The following CACNA2D1 variants were observed in gnomAD, a reference collection of about 807,000 sequenced individuals.
The protein encoded by CACNA2D1 is voltage-dependent calcium channel subunit alpha-2/delta-1.
A neutral mutation model predicts 171.5 loss-of-function variants in CACNA2D1; 53 were observed. The ratio of observed to expected loss-of-function variants is 0.31; its 90% confidence interval spans 0.25 to 0.39. CACNA2D1 has a LOEUF of 0.39. Among genes scored for constraint, CACNA2D1 ranks in the 10% least tolerant of loss-of-function variants. CACNA2D1 has a pLI of 1.00. For synonymous variants in CACNA2D1, 442 were observed against 443.1 expected (o/e 1.00, Z 0.03); for missense variants, 903 against 1,299.8 (o/e 0.69, Z 4.69).
At chr7:82,182,134 T>C (rs1190924175) in intron 3 of CACNA2D1, among the ~76,000 whole-genome samples, 1 of 152,170 alleles carries the variant, frequency 6.6e-6, no homozygotes, top group Non-Finnish European at 1.5e-5. Context: ...TGCTTGTCCT[T>C]GTGAGCCCAT....
At chr7:82,024,040 C>G (rs1801583462) in intron 12 of CACNA2D1, 6 of 151,664 alleles carry the variant, frequency 4.0e-5, no homozygotes, top group Admixed American at 4.0e-4. Flanking sequence ...ACCACATTTT[C>G]TTTATCTATT....
intron 5 of CACNA2D1, among the ~76,000 whole-genome samples, chr7:82,127,592 A>C (rs1273502778): frequency 1.3e-5 from 2 of 152,204 alleles, no homozygotes; most frequent in African/African-American, 4.8e-5. Context: ...GTATTATACC[A>C]TTAAAGCCAA....
chr7:82,437,394 T>TA (rs1436988195), intron 1 of CACNA2D1, among the ~76,000 whole-genome samples: 1 of 152,126 alleles, frequency 6.6e-6, no homozygotes, highest in African/African-American at 2.4e-5. Flanking sequence ...CTGAAGCATT[T>TA]AAAATGGCCA....
In CACNA2D1 at chr7:82,249,209, G is replaced by A. The variant is rs193142634; in HGVS notation, c.295-78600C>T. Among the ~76,000 whole-genome samples the A allele has an allele frequency of 2.0e-5, 3 of 152,038 alleles. No homozygotes were observed. In the East Asian group the frequency reaches 5.8e-4, roughly 29 times the overall value. ...AGGAGGAGCACCATACTCAGTAGAT[G>A]TAACCGGGGTAAAAGACACTAGGAA... On this transcript the variant is annotated intron_variant, in intron 3 of 38. Coordinates refer to ENST00000356860, the MANE Select transcript of CACNA2D1 (RefSeq NM_000722.4).
Position 82,032,831 on chromosome 7 carries a change from T to C in CACNA2D1, c.1109A>G (p.Gln370Arg). The C allele has an allele frequency of 6.3e-7, 1 of 1,587,790 alleles. No homozygotes were observed. Among genetic ancestry groups the C allele is most frequent in the Non-Finnish European group, 8.6e-7 (1 of 1,157,448 alleles). Residue 370 changes from glutamine to arginine, a missense_variant, in exon 12 of 39, where the codon CAG becomes CGG. Coordinates refer to ENST00000356860, the MANE Select transcript of CACNA2D1 (RefSeq NM_000722.4). ...TTTATTGTATTTGTTAAATATCTCC[T>C]GGGCTCTCTCTTCTCCTCCATCCGT... ...LFTDGGEERA[Q>R]EIFNKYNKDK...
chr7:82,285,713 C>A (rs953097993), intron 3 of CACNA2D1, among the ~76,000 whole-genome samples: 2 of 152,120 alleles, frequency 1.3e-5, no homozygotes, highest in South Asian at 2.1e-4. Context: ...TCCTGGTAAA[C>A]TGGAACATAT....
At chr7:81,995,101 T>C (rs1335928518) in intron 19 of CACNA2D1, among the ~76,000 whole-genome samples, 162 bp from the exon 20 acceptor site, 1 of 152,166 alleles carries the variant, frequency 6.6e-6, no homozygotes, top group Non-Finnish European at 1.5e-5. Context: ...TCTCAGGGAA[T>C]TTTTTTAAGT....
In CACNA2D1 at chr7:82,005,483, C is replaced by T. The variant is rs757607965; in HGVS notation, c.1530G>A (p.Gly510=). The T allele has an allele frequency of 4.7e-5, 74 of 1,590,280 alleles. No homozygotes were observed. The Admixed American group carries it at 1.2e-3, about 27-fold the overall frequency. ...LTPRFTLCPN[G]YYFAIDPNGY... ...CATTAGGATCGATTGCAAAGTAATACCCATTGGGGCACAGCTGGAAAAGAA... is the reference window on the plus strand; with the variant it reads ...CATTAGGATCGATTGCAAAGTAATATCCATTGGGGCACAGCTGGAAAAGAA... Residue 510 remains glycine, a synonymous_variant, in exon 18 of 39, where the codon GGG becomes GGA. Coordinates refer to ENST00000356860, the MANE Select transcript of CACNA2D1 (RefSeq NM_000722.4).
intron 4 of CACNA2D1, among the ~76,000 whole-genome samples, chr7:82,167,238 T>C (rs924847856): frequency 1.3e-5 from 2 of 152,062 alleles, no homozygotes; most frequent in African/African-American, 4.8e-5. Context: ...ATAAAATTTA[T>C]CTTCAAATTA....
chr7:82,181,827 A>G (rs1024916491), intron 3 of CACNA2D1, among the ~76,000 whole-genome samples: 1 of 152,198 alleles, frequency 6.6e-6, no homozygotes, highest in East Asian at 1.9e-4. Flanking sequence ...CTCTGAGCCA[A>G]TTAACTTTAA....
intron 6 of CACNA2D1, among the ~76,000 whole-genome samples, chr7:82,114,843 A>G (rs1788859082): frequency 6.6e-6 from 1 of 152,048 alleles, no homozygotes; most frequent in African/African-American, 2.4e-5. Flanking sequence ...CATTTATTTC[A>G]GGCACACTGG....
intron 5 of CACNA2D1, among the ~76,000 whole-genome samples, chr7:82,120,597 C>A (rs1294324936): frequency 6.6e-6 from 1 of 152,074 alleles, no homozygotes; most frequent in Non-Finnish European, 1.5e-5. Flanking sequence ...AAAGTTTAGG[C>A]CAGGCATGGT....
At chr7:82,105,189 C>G (rs1244438416) in intron 6 of CACNA2D1, among the ~76,000 whole-genome samples, 2 of 151,812 alleles carry the variant, frequency 1.3e-5, no homozygotes, top group Non-Finnish European at 2.9e-5. Context: ...AGCATATATG[C>G]AAAATTATTG....
intron 1 of CACNA2D1, among the ~76,000 whole-genome samples, chr7:82,407,138 T>C (rs1448281247): frequency 1.3e-5 from 2 of 152,214 alleles, no homozygotes; most frequent in African/African-American, 4.8e-5. Flanking sequence ...AACAACTGCC[T>C]GACAGGTGTC....
chr7:82,400,859 G>GA (rs2129451754), intron 1 of CACNA2D1, among the ~76,000 whole-genome samples: 1 of 151,462 alleles, frequency 6.6e-6, no homozygotes, highest in South Asian at 2.1e-4. Context: ...AAATTTACAA[G>GA]AAAAAAACAA....
At chr7:82,057,138 T>C (rs1805999920) in intron 10 of CACNA2D1, among the ~76,000 whole-genome samples, 2 of 152,170 alleles carry the variant, frequency 1.3e-5, no homozygotes, top group African/African-American at 4.8e-5. Context: ...ATAATAATTT[T>C]TTAAAAATGG....
At chr7:82,429,991 G>C (rs1435341894) in intron 1 of CACNA2D1, among the ~76,000 whole-genome samples, 1 of 152,090 alleles carries the variant, frequency 6.6e-6, no homozygotes, top group African/African-American at 2.4e-5. Context: ...CAACATTTTT[G>C]CAGATGTAAA....
At chr7:82,387,141 A>G (rs1444157676) in intron 1 of CACNA2D1, among the ~76,000 whole-genome samples, 1 of 152,188 alleles carries the variant, frequency 6.6e-6, no homozygotes, top group Admixed American at 6.5e-5. Flanking sequence ...ATAAATCATT[A>G]AATGCCCTCA....
intron 6 of CACNA2D1, among the ~76,000 whole-genome samples, chr7:82,085,477 TGA>T (rs1810344879): frequency 6.6e-6 from 1 of 151,422 alleles, no homozygotes; most frequent in Admixed American, 6.6e-5. Flanking sequence ...AATCAACTAT[TGA>T]TGACTCTCTG....
Sources: allele counts gnomAD v4.1 joint callset (sites outside exome capture counted in the v4.1 genomes callset), GRCh38; gene constraint gnomAD v4.1.1; transcripts MANE v1.5; gene names NCBI Gene and HGNC (gene_info 2026-07-23, HGNC 2026-07-21).